TMEM232: variants seen among roughly 807,000 people sequenced by gnomAD.
TMEM232 encodes the protein transmembrane protein 232.
TMEM232 carries 80 observed loss-of-function variants against 78.8 expected under a neutral mutation model. The ratio of observed to expected loss-of-function variants is 1.01; its 90% confidence interval spans 0.85 to 1.22. The LOEUF is 1.22. TMEM232 is among the 50% of genes most tolerant of loss of function. TMEM232 has a pLI of 0.00. For missense variants in TMEM232, 881 were observed against 742.2 expected, an observed-to-expected ratio of 1.19 and a Z score of -2.17; for synonymous variants, 297 against 254.3, an observed-to-expected ratio of 1.17 and a Z score of -1.60.
chr5:110,637,689 C>T (rs1786058300), intron 5 of TMEM232, among the ~76,000 whole-genome samples: 1 of 151,876 alleles, frequency 6.6e-6, no homozygotes, highest in African/African-American at 2.4e-5. Context: ...TATTTTACAG[C>T]AGTCAACCAT....
chr5:110,650,775 G>A (rs1461784684), intron 2 of TMEM232, among the ~76,000 whole-genome samples: 1 of 151,938 alleles, frequency 6.6e-6, no homozygotes. Flanking sequence ...ACAGAAAAAA[G>A]GAAATTAGGT....
At chr5:110,713,546 GA>G (rs1035152886) in intron 1 of TMEM232, among the ~76,000 whole-genome samples, 7 of 149,702 alleles carry the variant, frequency 4.7e-5, no homozygotes, top group South Asian at 2.1e-4. Context: ...GCACCCATAA[GA>G]AAAAAAAATA....
At chr5:110,593,150 T>C (rs961523190) in intron 10 of TMEM232, among the ~76,000 whole-genome samples, 1 of 152,182 alleles carries the variant, frequency 6.6e-6, no homozygotes, top group Admixed American at 6.5e-5. Flanking sequence ...TGTATGGCAC[T>C]GCTCAGAAGG....
intron 11 of TMEM232, among the ~76,000 whole-genome samples, chr5:110,565,141 A>G (rs1015424684): frequency 6.6e-6 from 1 of 152,004 alleles, no homozygotes; most frequent in East Asian, 1.9e-4. Context: ...TTAAAAGCAA[A>G]TGTTCTCCTC....
chr5:110,484,158 C>T (rs1764212213), intron 12 of TMEM232, among the ~76,000 whole-genome samples: 1 of 151,950 alleles, frequency 6.6e-6, no homozygotes, highest in Non-Finnish European at 1.5e-5. Context: ...CTGGAGATTA[C>T]TGGGGGGAAG....
At chr5:110,447,686 A>G (rs1759817753) in intron 12 of TMEM232, among the ~76,000 whole-genome samples, 1 of 152,140 alleles carries the variant, frequency 6.6e-6, no homozygotes, top group Non-Finnish European at 1.5e-5. Context: ...TTTATAAAAT[A>G]GGGGCTGAAA....
intron 8 of TMEM232, among the ~76,000 whole-genome samples, chr5:110,610,286 G>GAGGAAGGGAGGAAGGGAGGAAGGAAGGA (rs1782092438): frequency 1.3e-5 from 2 of 150,186 alleles, no homozygotes; most frequent in East Asian, 2.0e-4. Flanking sequence ...TGGGTGAAGG[G>GAGGAAGGGAGGAAGGGAGGAAGGAAGGA]AGGGAGAAAA....
intron 1 of TMEM232, among the ~76,000 whole-genome samples, chr5:110,720,359 C>G (rs183451174): frequency 3.7e-4 from 57 of 152,224 alleles, no homozygotes; most frequent in African/African-American, 1.3e-3. Context: ...GAGCCCCCAG[C>G]CTCTCAGCCA....
intron 11 of TMEM232, among the ~76,000 whole-genome samples, chr5:110,548,132 C>G (rs1482513153): frequency 3.3e-5 from 5 of 150,942 alleles, no homozygotes; most frequent in Non-Finnish European, 5.9e-5. Context: ...CAGAAGGCCA[C>G]AGATTCAAGG....
chr5:110,427,222 T>A (rs963553813), intron 12 of TMEM232, among the ~76,000 whole-genome samples: 2 of 151,990 alleles, frequency 1.3e-5, no homozygotes, highest in Admixed American at 1.3e-4. Context: ...TTAGTGTTAT[T>A]TAATCCCTCT....
chr5:110,596,625 G>C (rs1199605392), intron 10 of TMEM232, among the ~76,000 whole-genome samples: 2 of 152,052 alleles, frequency 1.3e-5, no homozygotes, highest in East Asian at 3.9e-4. Context: ...GTAAAATACT[G>C]GCAAACCGAA....
intron 1 of TMEM232, among the ~76,000 whole-genome samples, chr5:110,706,888 G>C (rs1259674640): frequency 6.6e-6 from 1 of 152,012 alleles, no homozygotes; most frequent in African/African-American, 2.4e-5. Context: ...TTTCACATAG[G>C]AATTAAAAAG....
At chr5:110,420,889 A>G (rs1284352326) in intron 13 of TMEM232, 133 bp from the exon 14 acceptor site, 2 of 1,220,902 alleles carry the variant, frequency 1.6e-6, no homozygotes, top group Non-Finnish European at 2.2e-6. Context: ...CAAAAATTTT[A>G]TATCTACCAC....
chr5:110,586,787 T>C (rs1387864498), intron 10 of TMEM232, among the ~76,000 whole-genome samples: 1 of 152,056 alleles, frequency 6.6e-6, no homozygotes, highest in African/African-American at 2.4e-5. Context: ...TAATAAGCCA[T>C]AGGTAATCAG....
At chr5:110,650,507 G>T (rs1413232607) in intron 2 of TMEM232, among the ~76,000 whole-genome samples, 4 of 152,076 alleles carry the variant, frequency 2.6e-5, no homozygotes, top group Non-Finnish European at 5.9e-5. Context: ...TGTTTTGATT[G>T]TATGTACCCC....
upstream of TMEM232, chr5:110,738,158 G>A: frequency 1.7e-6 from 2 of 1,199,184 alleles, no homozygotes; most frequent in Non-Finnish European, 2.1e-6. Flanking sequence ...CTTCCAACGA[G>A]TTGAAGGAAC....
chr5:110,418,383 G>A (rs1441397412), downstream of TMEM232, among the ~76,000 whole-genome samples: 5 of 152,138 alleles, frequency 3.3e-5, no homozygotes, highest in African/African-American at 1.2e-4. Context: ...TGTGATTCCA[G>A]ATCTACACCC....
At chr5:110,407,202 A>G (rs13357098) in intron 2 of TMEM232, among the ~76,000 whole-genome samples, 5,470 of 152,116 alleles carry the variant, frequency 0.036, 353 homozygotes, top group African/African-American at 0.13. Context: ...ATTATCAATA[A>G]TAACACTGAA....
chr5:110,593,912 C>G (rs1779835644), intron 10 of TMEM232, among the ~76,000 whole-genome samples: 1 of 152,012 alleles, frequency 6.6e-6, no homozygotes. Flanking sequence ...ATGCCTGTAT[C>G]AAAATATCCC....
Sources: gnomAD v4.1 joint callset for allele counts (sites outside exome capture counted in the v4.1 genomes callset) on GRCh38, gnomAD v4.1.1 for gene constraint, MANE v1.5 for transcripts, NCBI Gene and HGNC (gene_info 2026-07-23, HGNC 2026-07-21) for gene names.